The following TTC28 variants were observed in gnomAD, a reference collection of about 807,000 sequenced individuals.
TTC28 encodes the protein tetratricopeptide repeat protein 28.
Under a neutral mutation model 198.0 loss-of-function variants are expected in TTC28, and 61 were observed. That is an observed-to-expected ratio of 0.31 (90% confidence interval 0.25 to 0.38). TTC28 has a LOEUF of 0.38. Among genes scored for constraint, TTC28 ranks in the 10% least tolerant of loss-of-function variants. The probability of loss-of-function intolerance (pLI) is 1.00; values close to 1 mark genes in which losing one functional copy is unlikely to be tolerated. For synonymous variants in TTC28, 1,171 were observed against 1,297.8 expected (o/e 0.90, Z 2.10); for missense variants, 2,678 against 3,164.0 (o/e 0.85, Z 3.69).
At chr22:28,157,599 A>G (rs989364433) in intron 6 of TTC28, among the ~76,000 whole-genome samples, 10 of 152,210 alleles carry the variant, frequency 6.6e-5, no homozygotes, top group African/African-American at 2.4e-4. Flanking sequence ...AGTGGGATTT[A>G]TCATAGAGAT....
intron 5 of TTC28, among the ~76,000 whole-genome samples, chr22:28,193,488 T>G (rs1925075117): frequency 6.6e-6 from 1 of 152,130 alleles, no homozygotes; most frequent in Non-Finnish European, 1.5e-5. Context: ...AGACACAGAC[T>G]GGCAAATTGA....
intron 5 of TTC28, among the ~76,000 whole-genome samples, chr22:28,199,500 T>A (rs1271255367): frequency 7.2e-6 from 1 of 139,844 alleles, no homozygotes. Flanking sequence ...AGAGCAAGAC[T>A]CTGTCTCTTC....
At chr22:28,478,720 T>C (rs912396639) in intron 2 of TTC28, among the ~76,000 whole-genome samples, 4 of 152,114 alleles carry the variant, frequency 2.6e-5, no homozygotes, top group African/African-American at 9.7e-5. Context: ...ATTTCCATAA[T>C]ACAAAGTTTC....
At chr22:27,985,492 T>A in intron 21 of TTC28, 136 bp from the exon 22 acceptor site, 1 of 660,568 alleles carries the variant, frequency 1.5e-6, no homozygotes, top group Non-Finnish European at 2.6e-6. Context: ...GCCTGGGGCT[T>A]CCCCATGTCT....
chr22:28,636,449 G>GC (rs1233248944), intron 1 of TTC28, among the ~76,000 whole-genome samples: 1 of 152,062 alleles, frequency 6.6e-6, no homozygotes, highest in East Asian at 1.9e-4. Context: ...TTGCACATGT[G>GC]CATTTTTTTT....
At chr22:27,998,046 C>A (rs1937582432) in intron 16 of TTC28, 1 of 166,846 alleles carries the variant, frequency 6.0e-6, no homozygotes, top group African/African-American at 2.4e-5. Flanking sequence ...TGAAGCTTCA[C>A]AAGATATTCA....
At chr22:28,272,433 T>G (rs80110830) in intron 5 of TTC28, among the ~76,000 whole-genome samples, 2,369 of 152,338 alleles carry the variant, frequency 0.016, 81 homozygotes, top group African/African-American at 0.055. Flanking sequence ...ATTAGCTGTA[T>G]GTCCTCAGGT....
intron 13 of TTC28, among the ~76,000 whole-genome samples, chr22:28,028,434 C>T (rs1357160188): frequency 1.3e-5 from 2 of 152,242 alleles, no homozygotes; most frequent in Non-Finnish European, 2.9e-5. Context: ...TCAAAGTGCA[C>T]AGCACCCCAA....
intron 5 of TTC28, among the ~76,000 whole-genome samples, chr22:28,252,470 C>T (rs1044267403): frequency 3.3e-5 from 5 of 152,154 alleles, no homozygotes; most frequent in African/African-American, 9.7e-5. Flanking sequence ...TTCATAAATG[C>T]AAATGGTGTT....
At chr22:28,613,693 C>T (rs1569060500) in intron 2 of TTC28, among the ~76,000 whole-genome samples, 1 of 152,140 alleles carries the variant, frequency 6.6e-6, no homozygotes, top group African/African-American at 2.4e-5. Flanking sequence ...AAGACAAAAA[C>T]CACATGATTA....
At chr22:28,039,476 C>T (rs1939517774) in intron 12 of TTC28, among the ~76,000 whole-genome samples, 1 of 142,548 alleles carries the variant, frequency 7.0e-6, no homozygotes, top group Non-Finnish European at 1.5e-5. Context: ...ACAATGAGAA[C>T]ACTTGGACAC....
In TTC28 at chr22:27,992,716, AG is replaced by A. The variant is rs369127671; in HGVS notation, c.5477-54del. On this transcript the variant is annotated intron_variant, in intron 18 of 22. Coordinates refer to ENST00000397906, the MANE Select transcript of TTC28 (RefSeq NM_001145418.2). ...ATTCAGAAGGGCCTCTGCACCCAAA[AG>A]CCTGCCACCTTCCCAGGGGAAAGAA... 6.7e-5 allele frequency: 102 copies of A among 1,512,210 alleles called. No individual in the cohort carries two copies. The East Asian group carries it at 1.7e-3, about 25-fold the overall frequency. 93.7% of individuals were successfully genotyped at this position (1,512,210 alleles called of 1,614,324 possible).
At chr22:28,377,750 T>A (rs2046433650) in intron 2 of TTC28, among the ~76,000 whole-genome samples, 1 of 151,716 alleles carries the variant, frequency 6.6e-6, no homozygotes, top group Admixed American at 6.6e-5. Context: ...ACAACAAAAT[T>A]CAAAAATATT....
At chr22:28,600,878 T>G (rs2050629523) in intron 2 of TTC28, among the ~76,000 whole-genome samples, 1 of 152,204 alleles carries the variant, frequency 6.6e-6, no homozygotes, top group African/African-American at 2.4e-5. Context: ...GTACTAAAAA[T>G]ATGTCCTTTT....
chr22:28,569,303 C>T (rs2050026326), intron 2 of TTC28, among the ~76,000 whole-genome samples: 1 of 151,962 alleles, frequency 6.6e-6, no homozygotes, highest in Admixed American at 6.6e-5. Flanking sequence ...TACGACAAGG[C>T]TACAGTAACC....
intron 2 of TTC28, among the ~76,000 whole-genome samples, chr22:28,611,089 A>G (rs1180855328): frequency 6.6e-6 from 1 of 152,204 alleles, no homozygotes; most frequent in African/African-American, 2.4e-5. Flanking sequence ...GACCAAATCT[A>G]TGTTTGATTG....
At chr22:28,061,279 T>C (rs1208172423) in intron 12 of TTC28, among the ~76,000 whole-genome samples, 1 of 152,248 alleles carries the variant, frequency 6.6e-6, no homozygotes, top group Non-Finnish European at 1.5e-5. Context: ...GTTTTAGACA[T>C]GAAGTCCTTG....
chr22:28,621,986 G>C (rs2051008125), intron 2 of TTC28, among the ~76,000 whole-genome samples: 1 of 152,030 alleles, frequency 6.6e-6, no homozygotes, highest in African/African-American at 2.4e-5. Flanking sequence ...GATCCTGCTG[G>C]ACTCACCCCA....
chr22:28,319,217 C>G (rs1430895494), intron 2 of TTC28, among the ~76,000 whole-genome samples: 1 of 152,158 alleles, frequency 6.6e-6, no homozygotes, highest in Non-Finnish European at 1.5e-5. Flanking sequence ...GTTCTCATCA[C>G]TTACTCATGT....
Sources: gnomAD v4.1 joint callset for allele counts (sites outside exome capture counted in the v4.1 genomes callset) on GRCh38, gnomAD v4.1.1 for gene constraint, MANE v1.5 for transcripts, NCBI Gene and HGNC (gene_info 2026-07-23, HGNC 2026-07-21) for gene names.